FSTL3: variants seen among roughly 807,000 people sequenced by gnomAD.
The protein encoded by FSTL3 is follistatin like 3, also known as follistatin-related protein 3.
Under a neutral mutation model 28.1 loss-of-function variants are expected in FSTL3, and 21 were observed. The ratio of observed to expected loss-of-function variants is 0.75; its 90% CI spans 0.53 to 1.08. The LOEUF (loss-of-function observed/expected upper bound fraction) is 1.08. Among genes scored for constraint, FSTL3 ranks in the 50% least tolerant of loss-of-function variants. FSTL3 has a pLI of 0.00. For missense variants in FSTL3, 400 were observed against 380.9 expected (o/e 1.05, Z -0.42); for synonymous variants, 199 against 164.2 (o/e 1.21, Z -1.62).
In FSTL3 at chr19:680,315, C is replaced by T. The variant is rs1262901844; in HGVS notation, c.331C>T (p.Arg111Cys). ...GGAGTGCGGCCCGGGCAAGGCGTGC[C>T]GCATGCTGGGGGGCCGCCCGCGCTG... ...GVECGPGKAC[R>C]MLGGRPRCEC... The change falls in exon 3 of 5, where the codon CGC becomes TGC. Residue 111 changes from arginine to cysteine, a missense_variant. Transcript: ENST00000166139. The T allele has an allele frequency of 7.7e-7, 1 of 1,290,400 alleles. No homozygotes were observed. Among genetic ancestry groups the T allele is most frequent in the East Asian group, 3.3e-5 (1 of 30,692 alleles). 79.9% of individuals were successfully genotyped at this position (1,290,400 alleles called of 1,614,324 possible). A position where few individuals can be genotyped will look rare whatever the true frequency, so the allele number is the denominator to read the frequency against.
intron 3 of FSTL3, 150 bp downstream of exon 3, chr19:680,639 T>C (rs1421749708): frequency 3.7e-5 from 8 of 215,552 alleles, no homozygotes; most frequent in Non-Finnish European, 5.8e-5. Context: ...GCTACCGCAA[T>C]GCGTGAGGGC....
Position 681,723 on chromosome 19 carries a change from C to G in FSTL3, c.*15C>G. ...ACTTCGTGTGAGCCTGCAGGACAGGCCTGGGCCTGGTGCCCGAGGCCCCCC... is the reference window on the plus strand; with the variant it reads ...ACTTCGTGTGAGCCTGCAGGACAGGGCTGGGCCTGGTGCCCGAGGCCCCCC... On this transcript the variant is annotated 3_prime_UTR_variant, in exon 5 of 5. Coordinates refer to ENST00000166139, the MANE Select transcript of FSTL3 (RefSeq NM_005860.3). 1.9e-6 allele frequency: 3 copies of G among 1,549,942 alleles called. No homozygotes were observed. Among genetic ancestry groups the G allele is most frequent in the Non-Finnish European group, 2.6e-6 (3 of 1,146,908 alleles).
Position 680,426 on chromosome 19 carries a change from C to T in FSTL3, c.442C>T (p.Leu148=). The T allele has an allele frequency of 7.9e-7, 1 of 1,267,040 alleles. No individual in the cohort carries two copies. 78.5% of individuals were successfully genotyped at this position (1,267,040 alleles called of 1,614,324 possible). A position where few individuals can be genotyped will look rare whatever the true frequency, so the allele number is the denominator to read the frequency against. The change falls in exon 3 of 5, where the codon CTG becomes TTG. Residue 148 remains leucine, a synonymous_variant. Transcript: ENST00000166139. The stretch of plus-strand genomic sequence containing the variant: ...CGCCACCTACCGCGACGAGTGCGAG[C>T]TGCGCGCCGCGCGCTGCCGCGGCCA... ...DGATYRDECE[L]RAARCRGHPD...
intron 3 of FSTL3, 87 bp downstream of exon 3, chr19:680,576 G>C: frequency 1.2e-6 from 1 of 846,322 alleles, no homozygotes; most frequent in Non-Finnish European, 1.6e-6. Context: ...GCAGTAGGCG[G>C]GGGCGGGGCC....
In FSTL3 at chr19:680,278, G is replaced by A. The variant is rs1419978804; in HGVS notation, c.294G>A (p.Ser98=). 2 of 1,329,862 alleles carry A rather than the reference G, an allele frequency of 1.5e-6. No individual in the cohort carries two copies. Among genetic ancestry groups the A allele is most frequent in the Admixed American group, 7.3e-5 (2 of 27,382 alleles). 82.4% of individuals were successfully genotyped at this position (1,329,862 alleles called of 1,614,324 possible). The change falls in exon 3 of 5, where the codon TCG becomes TCA. Residue 98 remains serine (S), a synonymous_variant. Transcript: ENST00000166139. ...GCGCGTGTCCTCTGTCCGCAGATTCGTGCGACGGCGTGGAGTGCGGCCCGG... is the reference window on the plus strand; with the variant it reads ...GCGCGTGTCCTCTGTCCGCAGATTCATGCGACGGCGTGGAGTGCGGCCCGG... ...GLVHCLPCKD[S]CDGVECGPGK... is the part of the protein sequence containing the mutation.
In FSTL3 at chr19:681,684, A is replaced by C; in HGVS notation, c.768A>C (p.Ala256=). Residue 256 remains alanine, a synonymous_variant, in exon 5 of 5, where the codon GCA becomes GCC. Coordinates refer to ENST00000166139, the MANE Select transcript of FSTL3 (RefSeq NM_005860.3). ...TPEEPPGGES[A]EEEENFV ...AGGAGCCGCCAGGTGGTGAGTCTGC[A>C]GAAGAGGAAGAGAACTTCGTGTGAG... 1 of 1,566,274 alleles carries C rather than the reference A, an allele frequency of 6.4e-7. No homozygotes were observed.
chr19:678,107 T>G, intron 2 of FSTL3, 130 bp downstream of exon 2: 1 of 828,210 alleles, frequency 1.2e-6, no homozygotes, highest in Non-Finnish European at 1.9e-6. Flanking sequence ...TGCAGGGGGA[T>G]CCCAGCCTCA....
chr19:680,682 C>CG (rs1172161967), intron 3 of FSTL3, 193 bp downstream of exon 3: 8 of 57,178 alleles, frequency 1.4e-4, no homozygotes, highest in Non-Finnish European at 6.9e-5. Context: ...GCTGGAGGGG[C>CG]GGGGCCTGCT....
At chr19:678,514 T>TG (rs950463583) in intron 2 of FSTL3, among the ~76,000 whole-genome samples, 2 of 125,526 alleles carry the variant, frequency 1.6e-5, no homozygotes, top group Non-Finnish European at 3.3e-5. Context: ...TTTTTTTTTT[T>TG]TTTTTTTTTT....
rs2031344312 is a variant in FSTL3 at position 681,863 on chromosome 19, G to A, written c.*155G>A. 4 of 712,024 alleles carry A rather than the reference G, an allele frequency of 5.6e-6. No homozygotes were observed. In the South Asian group the frequency reaches 6.7e-5, roughly 12 times the overall value. The allele number at this position is 712,024 out of a possible 1,614,324, so 44.1% of individuals were successfully genotyped here. ...CCAGAACCTCCCTGACGATATCCTG[G>A]AAGGACTGAGGAAGGGAGGCCTGGG... On this transcript the variant is annotated 3_prime_UTR_variant, in exon 5 of 5. Coordinates refer to ENST00000166139, the MANE Select transcript of FSTL3 (RefSeq NM_005860.3).
intron 2 of FSTL3, 163 bp from the exon 3 acceptor site, chr19:680,111 C>T (rs2031296654): frequency 2.8e-6 from 1 of 352,110 alleles, no homozygotes; most frequent in South Asian, 1.3e-4. Flanking sequence ...GAGCCCTGCC[C>T]CTGGGAACCC....
intron 4 of FSTL3, 42 bp from the exon 5 acceptor site, chr19:681,608 C>A (rs763425741): frequency 1.3e-6 from 2 of 1,593,326 alleles, no homozygotes; most frequent in Non-Finnish European, 1.7e-6. Flanking sequence ...GGCCGGAGAA[C>A]CCCCTGCCCT....
Position 680,388 on chromosome 19 carries a change from G to C in FSTL3, c.404G>C (p.Cys135Ser). 7.8e-7 allele frequency: 1 copy of C among 1,279,594 alleles called. No homozygotes were observed. The highest frequency in any genetic ancestry group is 9.8e-7 in the Non-Finnish European group (1 of 1,016,232). The allele number at this position is 1,279,594 out of a possible 1,614,324, so 79.3% of individuals were successfully genotyped here. ...CSGLPARLQV[C>S]GSDGATYRDE... The stretch of plus-strand genomic sequence containing the variant: ...GGGCTCCCGGCGCGGCTGCAGGTCT[G>C]CGGCTCAGACGGCGCCACCTACCGC... Residue 135 changes from cysteine to serine, a missense_variant, in exon 3 of 5, where the codon TGC becomes TCC. Cys to Ser is a moderately radical substitution (Grantham distance 112). Transcript: ENST00000166139.
At chr19:680,533 C>T in intron 3 of FSTL3, 44 bp downstream of exon 3, 3 of 1,074,340 alleles carry the variant, frequency 2.8e-6, no homozygotes, top group Non-Finnish European at 3.5e-6. Context: ...CGGGACCTAC[C>T]GGACCTGCGC....
chr19:680,010 C>CCCCT (rs1555683188), intron 2 of FSTL3: 1 of 173,084 alleles, frequency 5.8e-6, no homozygotes, highest in East Asian at 1.2e-4. Context: ...GACCCCCCCC[C>CCCCT]GCCCCGGCCC....
intron 1 of FSTL3, among the ~76,000 whole-genome samples, chr19:677,166 C>T (rs951902876): frequency 3.3e-5 from 5 of 152,130 alleles, no homozygotes; most frequent in South Asian, 2.1e-4. Context: ...CCCCCAGGGA[C>T]GGGGGAAGAA....
Position 676,532 on chromosome 19 carries a change from T to G in FSTL3, c.103+6T>G. The G allele has an allele frequency of 1.6e-6, 1 of 641,628 alleles. No individual in the cohort carries two copies. Among genetic ancestry groups the G allele is most frequent in the Non-Finnish European group, 2.0e-6 (1 of 509,188 alleles). 39.7% of individuals were successfully genotyped at this position (641,628 alleles called of 1,614,324 possible). A position where few individuals can be genotyped will look rare whatever the true frequency, so the allele number is the denominator to read the frequency against. On this transcript the variant is annotated splice_donor_region_variant and intron_variant, in intron 1 of 4. Coordinates refer to ENST00000166139, the MANE Select transcript of FSTL3 (RefSeq NM_005860.3). Reference sequence around the variant, plus strand: ...CTCGGGGAACCCCGCGCCCGGTGAGTGGGGCGGCCAGAGGGGCGGGCGGGG... The same window carrying G: ...CTCGGGGAACCCCGCGCCCGGTGAGGGGGGCGGCCAGAGGGGCGGGCGGGG...
At chr19:677,757 T>A (rs1181424670) in intron 1 of FSTL3, 35 bp from the exon 2 acceptor site, 5 of 1,564,366 alleles carry the variant, frequency 3.2e-6, no homozygotes, top group Non-Finnish European at 4.3e-6. Flanking sequence ...GTGTCAGGAG[T>A]GGCCCAGGAG....
chr19:677,700 A>T, intron 1 of FSTL3, 92 bp from the exon 2 acceptor site: 4 of 1,245,052 alleles, frequency 3.2e-6, no homozygotes, highest in Non-Finnish European at 4.4e-6. Flanking sequence ...TCCGTGCGTA[A>T]CTACTCAGCA....
Sources: gnomAD v4.1 joint callset for allele counts (sites outside exome capture counted in the v4.1 genomes callset) on GRCh38, gnomAD v4.1.1 for gene constraint, MANE v1.5 for transcripts, NCBI Gene and HGNC (gene_info 2026-07-23, HGNC 2026-07-21) for gene names.